PAX2: variants seen among roughly 807,000 people sequenced by gnomAD.
PAX2 encodes paired box 2, also known as paired box protein Pax-2.
A neutral mutation model predicts 41.7 loss-of-function variants in PAX2; 9 were observed. The ratio of observed to expected loss-of-function variants is 0.22; its 90% CI spans 0.13 to 0.38. The LOEUF (loss-of-function observed/expected upper bound fraction) is 0.38. Ranked by LOEUF, PAX2 falls within the 10% of genes least tolerant of loss-of-function variation. The probability of loss-of-function intolerance (pLI) is 1.00; values close to 1 mark genes in which losing one functional copy is unlikely to be tolerated. For missense variants in PAX2, 418 were observed against 531.6 expected (o/e 0.79, Z 2.10); for synonymous variants, 221 against 212.7 (o/e 1.04, Z -0.34).
chr10:100,808,340 G>C (rs758262226), intron 6 of PAX2, among the ~76,000 whole-genome samples: 39 of 152,220 alleles, frequency 2.6e-4, no homozygotes, highest in Admixed American at 7.2e-4. Flanking sequence ...GGTACTCTAG[G>C]GGGGCCAGGA....
At position 100,791,504 on chromosome 10, in the gene PAX2, A is replaced by G. The variant is rs924521993; in HGVS notation, c.616+10139A>G. Among the ~76,000 whole-genome samples, 4 of 152,204 alleles carry G rather than the reference A, an allele frequency of 2.6e-5. No individual in the cohort carries two copies. Among genetic ancestry groups the G allele is most frequent in the African/African-American group, 7.2e-5 (3 of 41,454 alleles). ...CAGGAACCTGCATTAAAGTAAATGC[A>G]GTTTATGAAGTTTATGCTTTCCTCC... On this transcript the variant is annotated intron_variant, in intron 5 of 9. Transcript: ENST00000355243. The surrounding 1 kb of genome is among the most constrained non-coding windows in gnomAD (Gnocchi z 4.5).
intron 5 of PAX2, among the ~76,000 whole-genome samples, chr10:100,792,511 A>G (rs1305119069): frequency 6.6e-6 from 1 of 152,234 alleles, no homozygotes; most frequent in Admixed American, 6.5e-5. Context: ...TGTCTGCTCT[A>G]TTCAAATTCT....
chr10:100,747,701 T>A lies in PAX2; in HGVS notation c.43+1398T>A, dbSNP rs1198076812. On this transcript the variant is annotated intron_variant, in intron 1 of 9. Transcript: ENST00000355243. ...GTTTAAAAATACTTCTGGGATAAAA[T>A]ATATTTTTCTAAGTAATTTCCAAGC... 9.1e-6 allele frequency: 9 copies of A among 984,292 alleles called. No individual in the cohort carries two copies. In the Admixed American group the frequency reaches 4.9e-4, roughly 54 times the overall value. 61.0% of individuals were successfully genotyped at this position (984,292 alleles called of 1,614,324 possible).
chr10:100,768,820 T>C (rs771647840), intron 3 of PAX2, among the ~76,000 whole-genome samples: 26 of 152,220 alleles, frequency 1.7e-4, no homozygotes, highest in Non-Finnish European at 3.7e-4. Context: ...AATTTCTGGC[T>C]CCAATGCTAT....
intron 3 of PAX2, among the ~76,000 whole-genome samples, chr10:100,776,227 C>G (rs973096502): frequency 1.3e-5 from 2 of 152,176 alleles, no homozygotes; most frequent in Non-Finnish European, 2.9e-5. Flanking sequence ...CAATAGTCTC[C>G]GTTTACTGCC....
chr10:100,751,161 A>C (rs965189289), intron 3 of PAX2, among the ~76,000 whole-genome samples: 1 of 151,884 alleles, frequency 6.6e-6, no homozygotes, highest in Admixed American at 6.6e-5. Flanking sequence ...GGTAATTAAG[A>C]CTCCAAGATT....
upstream of PAX2, among the ~76,000 whole-genome samples, chr10:100,741,950 C>G (rs994562101): frequency 2.0e-5 from 3 of 152,202 alleles, no homozygotes; most frequent in African/African-American, 7.2e-5. Flanking sequence ...TAGCCGCTCC[C>G]CGGGAAGTGG....
upstream of PAX2, among the ~76,000 whole-genome samples, chr10:100,741,407 TCCAA>T (rs1158899676): frequency 3.5e-4 from 17 of 49,200 alleles, no homozygotes; most frequent in East Asian, 9.4e-4. Context: ...CAGAAGCTCT[TCCAA>T]AAAAAAAAAA....
chr10:100,769,624 AAGAATAAAAT>A (rs1244077054), intron 3 of PAX2, among the ~76,000 whole-genome samples: 72 of 81,180 alleles, frequency 8.9e-4, no homozygotes, highest in Admixed American at 3.6e-3. Flanking sequence ...CCATCTCAAA[AAGAATAAAAT>A]AAAATAAAAT....
intron 3 of PAX2, among the ~76,000 whole-genome samples, chr10:100,773,233 G>C (rs933573780): frequency 6.6e-6 from 1 of 152,166 alleles, no homozygotes; most frequent in Middle Eastern, 3.2e-3. Context: ...GAAGTACATA[G>C]AACATTGCCT....
intron 7 of PAX2, among the ~76,000 whole-genome samples, chr10:100,820,244 G>T (rs1187119973): frequency 4.6e-5 from 7 of 152,154 alleles, no homozygotes; most frequent in African/African-American, 1.2e-4. Flanking sequence ...CTCTTTTGGG[G>T]AGTATCTGGC....
At chr10:100,823,102 C>T (rs1221360306) in intron 7 of PAX2, among the ~76,000 whole-genome samples, 5 of 152,080 alleles carry the variant, frequency 3.3e-5, no homozygotes, top group African/African-American at 7.2e-5. Context: ...GCAGATGTAA[C>T]AGACATTGCC....
intron 5 of PAX2, among the ~76,000 whole-genome samples, chr10:100,790,842 A>G (rs969904454): frequency 6.6e-6 from 1 of 152,066 alleles, no homozygotes; most frequent in African/African-American, 2.4e-5. Context: ...ATTTTGCCCC[A>G]TTGGGGTGGA....
intron 5 of PAX2, among the ~76,000 whole-genome samples, chr10:100,783,261 A>G (rs1846705586): frequency 6.6e-6 from 1 of 152,264 alleles, no homozygotes; most frequent in South Asian, 2.1e-4. Flanking sequence ...CCCAAAGCAG[A>G]ACAAGATATG....
rs181714654 is a variant in PAX2 at position 100,792,788 on chromosome 10, T to G, written c.616+11423T>G. Among the ~76,000 whole-genome samples, 385 of 150,992 alleles carry G rather than the reference T, an allele frequency of 2.5e-3. 2 individuals are homozygous for G. Among genetic ancestry groups the G allele is most frequent in the African/African-American group, 8.4e-3 (345 of 41,190 alleles). On this transcript the variant is annotated intron_variant, in intron 5 of 9. Coordinates refer to ENST00000355243, the MANE Select transcript of PAX2 (RefSeq NM_000278.5). Reference sequence around the variant, plus strand: ...GTTCTGGTAATAGCGTTGATTTGCATGTCAGGCAAAGCCTTGCTACACACA... The same window carrying G: ...GTTCTGGTAATAGCGTTGATTTGCAGGTCAGGCAAAGCCTTGCTACACACA...
intron 3 of PAX2, among the ~76,000 whole-genome samples, chr10:100,754,796 A>G (rs1472861277): frequency 6.6e-6 from 1 of 152,140 alleles, no homozygotes; most frequent in East Asian, 1.9e-4. Flanking sequence ...AACATTGCCT[A>G]TTCTACTCTT....
chr10:100,809,273 C>T (rs749988247), intron 7 of PAX2, 37 bp downstream of exon 7: 49 of 1,601,872 alleles, frequency 3.1e-5, no homozygotes, highest in Non-Finnish European at 4.1e-5. Context: ...GCACTGCGTT[C>T]AGTGGAGGGT....
Position 100,745,763 on chromosome 10 carries a change from CG to C in PAX2, c.-495del. The stretch of plus-strand genomic sequence containing the variant: ...CCGCAGGCGCCACCTCGGACATCCC[CG>C]GGATTGCTACTTCTCTGCCAACTTC... On this transcript the variant is annotated 5_prime_UTR_variant, in exon 1 of 10. Transcript: ENST00000355243. The C allele has an allele frequency of 9.5e-7, 1 of 1,052,432 alleles. No homozygotes were observed. Among genetic ancestry groups the C allele is most frequent in the African/African-American group, 1.7e-5 (1 of 60,020 alleles). The allele number at this position is 1,052,432 out of a possible 1,614,324, so 65.2% of individuals were successfully genotyped here. A position where few individuals can be genotyped will look rare whatever the true frequency, so the allele number is the denominator to read the frequency against.
In PAX2 at chr10:100,750,636, G is replaced by C. The variant is rs1483893871; in HGVS notation, c.213-58G>C. The C allele has an allele frequency of 6.1e-5, 89 of 1,464,644 alleles. 1 individual carries two copies. Among genetic ancestry groups the C allele is most frequent in the South Asian group, 2.1e-4 (18 of 87,496 alleles). 90.7% of individuals were successfully genotyped at this position (1,464,644 alleles called of 1,614,324 possible). ...TGGCTCAGCAGCTCTGGAACCTGCA[G>C]CCCCCCTGCCCCGCCACAGTCCGCT... On this transcript the variant is annotated intron_variant, in intron 2 of 9. Coordinates refer to ENST00000355243, the MANE Select transcript of PAX2 (RefSeq NM_000278.5). This position sits in a 1 kb window ranked among gnomAD's most constrained non-coding sequence, Gnocchi z 4.1.
Sources: allele counts gnomAD v4.1 joint callset (sites outside exome capture counted in the v4.1 genomes callset), GRCh38; gene constraint gnomAD v4.1.1; non-coding constraint Gnocchi (gnomAD v3.1); transcripts MANE v1.5; gene names NCBI Gene and HGNC (gene_info 2026-07-23, HGNC 2026-07-21).